The following PCDHGC3 variants were observed in gnomAD, a reference collection of about 807,000 sequenced individuals.
The protein encoded by PCDHGC3 is protocadherin gamma-C3.
Under a neutral mutation model 59.2 loss-of-function variants are expected in PCDHGC3, and 26 were observed. The observed-to-expected ratio is 0.44, with a 90% CI of 0.32 to 0.61. The LOEUF is 0.61. Ranked by LOEUF, PCDHGC3 falls within the 20% of genes least tolerant of loss-of-function variation. The pLI, the probability that PCDHGC3 is intolerant of heterozygous loss-of-function variation, is 0.05. For missense variants in PCDHGC3, 1,080 were observed against 1,221.8 expected, an observed-to-expected ratio of 0.88 and a Z score of 1.73; for synonymous variants, 487 against 519.7, an observed-to-expected ratio of 0.94 and a Z score of 0.86.
At chr5:141,504,352 G>A (rs2099837588) in intron 2 of PCDHGC3, among the ~76,000 whole-genome samples, 3 of 152,016 alleles carry the variant, frequency 2.0e-5, no homozygotes, top group Admixed American at 1.3e-4. Flanking sequence ...TTTGTGCTAG[G>A]TGCTTCAGTA....
intron 1 of PCDHGC3, among the ~76,000 whole-genome samples, chr5:141,494,030 A>G (rs1165393646): frequency 6.6e-6 from 1 of 151,978 alleles, no homozygotes; most frequent in Non-Finnish European, 1.5e-5. Context: ...AGCCCTGGAG[A>G]CTTAGTTGGC....
At position 141,485,632 on chromosome 5, in the gene PCDHGC3, G is replaced by C; in HGVS notation, c.2430+7086G>C. 6.2e-7 allele frequency: 1 copy of C among 1,611,766 alleles called. No individual in the cohort carries two copies. The highest frequency in any genetic ancestry group is 8.5e-7 in the Non-Finnish European group (1 of 1,178,342). ...CAGCTCCTCCAGGACAGCGTTTCCC[G>C]TTGGAAAAGGCTCAGGATGCAGATG... is the stretch of plus-strand genomic sequence containing the variant. On this transcript the variant is annotated intron_variant, in intron 1 of 3. Coordinates refer to ENST00000308177, the MANE Select transcript of PCDHGC3 (RefSeq NM_002588.4). This position sits in a 1 kb window ranked among gnomAD's most constrained non-coding sequence, Gnocchi z 5.7.
rs775989253 is a variant in PCDHGC3 at position 141,491,769 on chromosome 5, G to A, written c.2431-3038G>A. On this transcript the variant is annotated intron_variant, in intron 1 of 3. Transcript: ENST00000308177. The surrounding 1 kb of genome is among the most constrained non-coding windows in gnomAD (Gnocchi z 6.9). ...CTGGAGAAGCCGCCCGTCCTCATAA[G>A]GGATTGAACTTGCATCCACTCCTCT... 6.4e-7 allele frequency: 1 copy of A among 1,562,376 alleles called. No homozygotes were observed. Among genetic ancestry groups the A allele is most frequent in the African/African-American group, 1.4e-5 (1 of 73,058 alleles).
rs1036281905 is a variant in PCDHGC3 at position 141,493,555 on chromosome 5, T to C, written c.2431-1252T>C. ...GCCAGTTATCCTTTTGGAGATTGAG[T>C]TCCCCCAGCTCCGTTTCCTCCTATC... On this transcript the variant is annotated intron_variant, in intron 1 of 3. Transcript: ENST00000308177. This position sits in a 1 kb window ranked among gnomAD's most constrained non-coding sequence, Gnocchi z 4.3. Among the ~76,000 whole-genome samples, 3 of 152,012 alleles carry C rather than the reference T, an allele frequency of 2.0e-5. No individual in the cohort carries two copies. Among genetic ancestry groups the C allele is most frequent in the African/African-American group, 7.3e-5 (3 of 41,362 alleles).
At chr5:141,481,216 G>T (rs2099534005) in intron 1 of PCDHGC3, among the ~76,000 whole-genome samples, 3 of 152,110 alleles carry the variant, frequency 2.0e-5, no homozygotes, top group Admixed American at 6.5e-5. Flanking sequence ...ACATGGTAAG[G>T]TCTCCCAGCC....
intron 3 of PCDHGC3, among the ~76,000 whole-genome samples, chr5:141,507,817 G>C (rs1038461861): frequency 3.3e-5 from 5 of 152,206 alleles, no homozygotes; most frequent in Non-Finnish European, 5.9e-5. Context: ...AACGGACCCT[G>C]GGGGTGGAGG....
At chr5:141,501,318 C>T (rs1273608837) in intron 2 of PCDHGC3, among the ~76,000 whole-genome samples, 1 of 151,766 alleles carries the variant, frequency 6.6e-6, no homozygotes, top group African/African-American at 2.4e-5. Flanking sequence ...CACACACACA[C>T]ACACACACAC....
chr5:141,476,267 G>T lies in PCDHGC3; in HGVS notation c.151G>T (p.Val51Phe), dbSNP rs373758158. 15 of 1,614,056 alleles carry T rather than the reference G, an allele frequency of 9.3e-6. No homozygotes were observed. In the South Asian group the frequency reaches 1.6e-4, roughly 18 times the overall value. Residue 51 changes from valine to phenylalanine, a missense_variant, in exon 1 of 4, where the codon GTC becomes TTC. Transcript: ENST00000308177. This position sits in a 1 kb window ranked among gnomAD's most constrained non-coding sequence, Gnocchi z 7.6. ...GAAGGGTTTCGCTGTGGGCAACGTGGTCGCGAACCTTGGTTTGGATCTCGG... is the reference window on the plus strand; with the variant it reads ...GAAGGGTTTCGCTGTGGGCAACGTGTTCGCGAACCTTGGTTTGGATCTCGG... ...REKGFAVGNV[V>F]ANLGLDLGSL...
At position 141,494,788 on chromosome 5, in the gene PCDHGC3, C is replaced by T. The variant is rs2099756942; in HGVS notation, c.2431-19C>T. The T allele has an allele frequency of 6.2e-7, 1 of 1,614,116 alleles. No homozygotes were observed. The highest frequency in any genetic ancestry group is 8.5e-7 in the Non-Finnish European group (1 of 1,180,000). On this transcript the variant is annotated intron_variant, in intron 1 of 3. Transcript: ENST00000308177. ...CTTCTCACGGGTACTCAGCCCCTTTCCCTCTGTTTTCTCCACAGCAAGCCC... is the reference window on the plus strand; with the variant it reads ...CTTCTCACGGGTACTCAGCCCCTTTTCCTCTGTTTTCTCCACAGCAAGCCC...
intron 1 of PCDHGC3, chr5:141,479,355 A>G (rs2099493778): frequency 6.6e-6 from 1 of 152,506 alleles, no homozygotes; most frequent in Non-Finnish European, 1.5e-5. Flanking sequence ...CTTGCTGCTC[A>G]GTGCCTGAGG....
chr5:141,499,533 G>T (rs2099792525), intron 2 of PCDHGC3, among the ~76,000 whole-genome samples: 1 of 152,086 alleles, frequency 6.6e-6, no homozygotes, highest in African/African-American at 2.4e-5. Flanking sequence ...AGAGAGAATG[G>T]TGTCATGAAC....
Position 141,487,928 on chromosome 5 carries a change from A to G in PCDHGC3, c.2431-6879A>G. Reference sequence around the variant, plus strand: ...GGGAGCACAGGAGGCTACAGTGCACAGGGTACAGTGCACCAGGCAGTCACT... The same window carrying G: ...GGGAGCACAGGAGGCTACAGTGCACGGGGTACAGTGCACCAGGCAGTCACT... On this transcript the variant is annotated intron_variant, in intron 1 of 3. Transcript: ENST00000308177. The surrounding 1 kb of genome is among the most constrained non-coding windows in gnomAD (Gnocchi z 5.0). The G allele has an allele frequency of 3.2e-6, 2 of 620,886 alleles. No homozygotes were observed. The highest frequency in any genetic ancestry group is 5.6e-6 in the Non-Finnish European group (2 of 355,916). The allele number at this position is 620,886 out of a possible 1,614,324, so 38.5% of individuals were successfully genotyped here. A position where few individuals can be genotyped will look rare whatever the true frequency, so the allele number is the denominator to read the frequency against.
At chr5:141,492,008 G>A (rs1201433644) in intron 1 of PCDHGC3, 21 of 616,588 alleles carry the variant, frequency 3.4e-5, no homozygotes, top group Admixed American at 2.9e-4. Flanking sequence ...CGATTTCCGC[G>A]GGTGTCGGGG....
chr5:141,485,105 G>A lies in PCDHGC3; in HGVS notation c.2430+6559G>A. On this transcript the variant is annotated intron_variant, in intron 1 of 3. Transcript: ENST00000308177. The surrounding 1 kb of genome is among the most constrained non-coding windows in gnomAD (Gnocchi z 5.7). ...AGGGAGATAGGTGTCTCCAGCTGCT[G>A]TGGCTGTTTGGGGCGGGTCGGCTTC... 8.3e-7 allele frequency: 1 copy of A among 1,205,940 alleles called. No individual in the cohort carries two copies. Among genetic ancestry groups the A allele is most frequent in the Non-Finnish European group, 1.2e-6 (1 of 827,784 alleles). The allele number at this position is 1,205,940 out of a possible 1,614,324, so 74.7% of individuals were successfully genotyped here.
At position 141,499,027 on chromosome 5, in the gene PCDHGC3, A is replaced by AG. The variant is rs1323149397; in HGVS notation, c.2489+4163dup. 7.4e-3 allele frequency among the ~76,000 whole-genome samples: 1,116 copies of AG among 149,928 alleles called. 12 individuals are homozygous for AG. Among genetic ancestry groups the AG allele is most frequent in the African/African-American group, 0.026 (1,074 of 40,604 alleles). On this transcript the variant is annotated intron_variant, in intron 2 of 3. Transcript: ENST00000308177. ...AAGGAAGGAAGGAAGGAAGGAAGGA[A>AG]GAAAAGAAAGAAAAAGGGAGAAAAA...
chr5:141,510,905 C>T lies in PCDHGC3; in HGVS notation c.2579-42C>T. 4 of 1,613,538 alleles carry T rather than the reference C, an allele frequency of 2.5e-6. No homozygotes were observed. In the South Asian group the frequency reaches 4.4e-5, roughly 18 times the overall value. ...GATATAAGACAGTGACTGTTGAGGA[C>T]CCTAAGTTTAGCTCCCACCTGATCT... On this transcript the variant is annotated intron_variant, in intron 3 of 3. Coordinates refer to ENST00000308177, the MANE Select transcript of PCDHGC3 (RefSeq NM_002588.4).
At position 141,487,152 on chromosome 5, in the gene PCDHGC3, C is replaced by T. The variant is rs772254681; in HGVS notation, c.2431-7655C>T. On this transcript the variant is annotated intron_variant, in intron 1 of 3. Coordinates refer to ENST00000308177, the MANE Select transcript of PCDHGC3 (RefSeq NM_002588.4). The surrounding 1 kb of genome is among the most constrained non-coding windows in gnomAD (Gnocchi z 5.0). ...AGTCCACCACTCTCTACCTCTGTTA[C>T]TCTCTTAGTGTCCTTAGAGGAAGAC... 3.7e-6 allele frequency: 6 copies of T among 1,613,860 alleles called. No homozygotes were observed. Among genetic ancestry groups the T allele is most frequent in the Non-Finnish European group, 5.1e-6 (6 of 1,179,828 alleles).
In PCDHGC3 at chr5:141,491,257, G is replaced by A. The variant is rs754721047; in HGVS notation, c.2431-3550G>A. 2 of 1,614,170 alleles carry A rather than the reference G, an allele frequency of 1.2e-6. No individual in the cohort carries two copies. The highest frequency in any genetic ancestry group is 3.3e-5 in the Admixed American group (2 of 60,020). On this transcript the variant is annotated intron_variant, in intron 1 of 3. Coordinates refer to ENST00000308177, the MANE Select transcript of PCDHGC3 (RefSeq NM_002588.4). This position sits in a 1 kb window ranked among gnomAD's most constrained non-coding sequence, Gnocchi z 6.9. ...GGTTCTGGAGGATGAGGACCCTGAG[G>A]AAATGCCCAAATCCAGTGACTTCCT... is the stretch of plus-strand genomic sequence containing the variant.
chr5:141,478,121 G>T lies in PCDHGC3; in HGVS notation c.2005G>T (p.Asp669Tyr). Residue 669 changes from aspartate (D) to tyrosine (Y), a missense_variant, in exon 1 of 4, where the codon GAC becomes TAC. Physicochemically the swap from Asp to Tyr is radical, Grantham distance 160. Coordinates refer to ENST00000308177, the MANE Select transcript of PCDHGC3 (RefSeq NM_002588.4). ...TACCCTCACTGTGTCAGTAACCGAG[G>T]ACTCTCCTGAAGCCCGAGCCGAGTT... Reference protein sequence around the residue: ...TATLTVSVTEDSPEARAEFPS... With the variant: ...TATLTVSVTEYSPEARAEFPS... 2.5e-6 allele frequency: 4 copies of T among 1,614,036 alleles called. No individual in the cohort carries two copies. In the African/African-American group the frequency reaches 4.0e-5, roughly 16 times the overall value.
Sources: gnomAD v4.1 joint callset for allele counts (sites outside exome capture counted in the v4.1 genomes callset) on GRCh38, gnomAD v4.1.1 for gene constraint, Gnocchi (gnomAD v3.1) non-coding constraint, MANE v1.5 for transcripts, NCBI Gene and HGNC (gene_info 2026-07-23, HGNC 2026-07-21) for gene names.